Variants in ZNF638 observed in about 807,000 individuals in gnomAD.
ZNF638 encodes zinc finger protein 638.
In ZNF638, 46 loss-of-function variants were observed where a neutral mutation model predicts 195.6. That is an observed-to-expected ratio of 0.24 (90% CI 0.19 to 0.30). The LOEUF is 0.30. ZNF638 is among the 10% of genes least tolerant of loss of function. The pLI, the probability that ZNF638 is intolerant of heterozygous loss-of-function variation, is 1.00. For missense variants in ZNF638, 2,440 were observed against 2,325.3 expected (o/e 1.05, Z -1.01); for synonymous variants, 845 against 772.0 (o/e 1.09, Z -1.57).
intron 21 of ZNF638, among the ~76,000 whole-genome samples, chr2:71,419,914 C>T (rs1358713880): frequency 1.4e-5 from 2 of 146,400 alleles, no homozygotes; most frequent in Non-Finnish European, 3.0e-5. Flanking sequence ...TGTATTCAAC[C>T]TCATAAAACT....
chr2:71,332,710 C>T (rs188373974), intron 1 of ZNF638: 1 of 152,170 alleles, frequency 6.6e-6, no homozygotes, highest in African/African-American at 2.4e-5. Flanking sequence ...TGAAATAGAT[C>T]TTTTGTTGTT....
At chr2:71,405,180 A>T (rs754353381) in intron 17 of ZNF638, among the ~76,000 whole-genome samples, 2 of 152,168 alleles carry the variant, frequency 1.3e-5, no homozygotes, top group African/African-American at 2.4e-5. Context: ...GCCTCTTCAT[A>T]ATTCAGTAGC....
At chr2:71,417,660 GT>G (rs542759028) in intron 20 of ZNF638, among the ~76,000 whole-genome samples, 134 of 144,492 alleles carry the variant, frequency 9.3e-4, no homozygotes, top group East Asian at 1.4e-3. Flanking sequence ...ACCATGCAGG[GT>G]TTTTTTTTTT....
At chr2:71,371,115 C>G (rs1373574113) in intron 8 of ZNF638, among the ~76,000 whole-genome samples, 1 of 152,098 alleles carries the variant, frequency 6.6e-6, no homozygotes, top group East Asian at 1.9e-4. Context: ...CTGTGCCTGG[C>G]TTATTTCACT....
intron 25 of ZNF638, among the ~76,000 whole-genome samples, chr2:71,429,533 A>G (rs1300299823): frequency 6.6e-6 from 1 of 152,216 alleles, no homozygotes; most frequent in African/African-American, 2.4e-5. Context: ...TTATACACAT[A>G]AAATATAAAA....
chr2:71,345,822 T>C (rs2078842023), intron 1 of ZNF638, among the ~76,000 whole-genome samples: 2 of 152,178 alleles, frequency 1.3e-5, no homozygotes, highest in South Asian at 4.1e-4. Context: ...TCATAGACTT[T>C]AATATGCTAA....
intron 14 of ZNF638, 128 bp downstream of exon 14, chr2:71,400,308 A>G (rs1334782803): frequency 2.9e-6 from 3 of 1,040,126 alleles, no homozygotes; most frequent in East Asian, 5.3e-5. Context: ...TCAGAATGAA[A>G]TTTAAATGTA....
Position 71,349,842 on chromosome 2 carries a change from A to C in ZNF638, c.888A>C (p.Leu296Phe), listed in dbSNP as rs1456604802. The C allele has an allele frequency of 5.0e-6, 8 of 1,614,218 alleles. No homozygotes were observed. The highest frequency in any genetic ancestry group is 5.9e-6 in the Non-Finnish European group (7 of 1,180,036). ...AGAGTGGAACCAAGATGTCAGGCTT[A>C]CACATTTCAGGAGGACAGTCAGTCC... is the stretch of plus-strand genomic sequence containing the variant. ...SVESGTKMSGLHISGGQSVLE... is the reference protein window; with the variant it reads ...SVESGTKMSGFHISGGQSVLE... Residue 296 changes from leucine to phenylalanine, a missense_variant, in exon 2 of 28, where the codon TTA (leucine) becomes TTC (phenylalanine). Physicochemically the swap from Leu to Phe is conservative, Grantham distance 22 (BLOSUM62 0). Around this residue, in one of 5 missense-constraint regions of ZNF638, gnomAD observed 305 missense variants for 283.6 expected, o/e 1.08. Coordinates refer to ENST00000264447, the MANE Select transcript of ZNF638 (RefSeq NM_014497.5).
At position 71,364,105 on chromosome 2, in the gene ZNF638, A is replaced by C; in HGVS notation, c.1570A>C (p.Arg524=). 2 of 1,614,184 alleles carry C rather than the reference A, an allele frequency of 1.2e-6. No individual in the cohort carries two copies. The highest frequency in any genetic ancestry group is 1.6e-4 in the Middle Eastern group (1 of 6,062). ...YMYRPRSRSP[R]ICHRFISRYR... ...GTATAGGCCGAGAAGTCGAAGTCCAAGAATTTGCCATCGTTTCATTTCTAG... is the reference window on the plus strand; with the variant it reads ...GTATAGGCCGAGAAGTCGAAGTCCACGAATTTGCCATCGTTTCATTTCTAG... The change falls in exon 5 of 28, where the codon AGA becomes CGA. Residue 524 remains arginine, a synonymous_variant. Coordinates refer to ENST00000264447, the MANE Select transcript of ZNF638 (RefSeq NM_014497.5).
At chr2:71,357,561 T>C (rs1223107998) in intron 3 of ZNF638, among the ~76,000 whole-genome samples, 1 of 152,188 alleles carries the variant, frequency 6.6e-6, no homozygotes, top group Non-Finnish European at 1.5e-5. Flanking sequence ...GGGGGTGAGT[T>C]ACTTATTTTA....
intron 15 of ZNF638, 46 bp from the exon 16 acceptor site, chr2:71,401,910 G>A (rs1345552868): frequency 6.6e-7 from 1 of 1,504,490 alleles, no homozygotes; most frequent in East Asian, 2.3e-5. Context: ...AAGTAAATAT[G>A]AAACAAAGAA....
At chr2:71,393,952 A>G (rs1231588348) in intron 10 of ZNF638, among the ~76,000 whole-genome samples, 1 of 152,182 alleles carries the variant, frequency 6.6e-6, no homozygotes, top group Non-Finnish European at 1.5e-5. Context: ...TATGGCTACA[A>G]ATGGCAAAGG....
intron 19 of ZNF638, among the ~76,000 whole-genome samples, chr2:71,406,486 C>T (rs754298616): frequency 4.6e-5 from 7 of 151,990 alleles, no homozygotes; most frequent in Admixed American, 1.3e-4. Flanking sequence ...ATAAGACTTA[C>T]GCAAGGGGGA....
chr2:71,348,054 T>C lies in ZNF638; in HGVS notation c.-202-699T>C, dbSNP rs578043367. On this transcript the variant is annotated intron_variant, in intron 1 of 27. Transcript: ENST00000264447. ...TATAGTTAATCATTATTGTCATCCA[T>C]ATATATTCGTCCATACTGCGTCTAT... is the stretch of plus-strand genomic sequence containing the variant. 2.0e-5 allele frequency among the ~76,000 whole-genome samples: 3 copies of C among 152,338 alleles called. No homozygotes were observed. In the South Asian group the frequency reaches 6.2e-4, roughly 32 times the overall value.
chr2:71,387,313 G>A (rs6717013), intron 10 of ZNF638, among the ~76,000 whole-genome samples: 64,466 of 152,042 alleles, frequency 0.42, 14,942 homozygotes, highest in African/African-American at 0.61. Context: ...ATAATATTTC[G>A]TTTTAGTTGG....
In ZNF638 at chr2:71,417,040, G is replaced by T. The variant is rs1443546303; in HGVS notation, c.3262-1562G>T. ...CTTCCCGGCTGCTTTGTTTACCTAAGCAAGCCTGGGCAATGGCGGGCGCCC... is the reference window on the plus strand; with the variant it reads ...CTTCCCGGCTGCTTTGTTTACCTAATCAAGCCTGGGCAATGGCGGGCGCCC... On this transcript the variant is annotated intron_variant, in intron 20 of 27. Transcript: ENST00000264447. Among the ~76,000 whole-genome samples, 8 of 131,468 alleles carry T rather than the reference G, an allele frequency of 6.1e-5. 1 individual carries two copies. In the East Asian group the frequency reaches 1.6e-3, roughly 27 times the overall value. The allele number at this position is 131,468 out of a possible 152,430, so 86.2% of individuals were successfully genotyped here. A position where few individuals can be genotyped will look rare whatever the true frequency, so the allele number is the denominator to read the frequency against.
Position 71,401,963 on chromosome 2 carries a change from A to C in ZNF638, c.2705A>C (p.Glu902Ala), listed in dbSNP as rs1436615992. The change falls in exon 16 of 28, where the codon GAA becomes GCA. Residue 902 changes from glutamate to alanine, a missense_variant. By Grantham distance (107) the Glu-to-Ala change is moderately radical. Coordinates refer to ENST00000264447, the MANE Select transcript of ZNF638 (RefSeq NM_014497.5). ...TAAAAATTTGTTTTGAAGGAAACAG[A>C]AGAAATGTGTGTGATGCTTGTCTCT... ...TENEPLNKETEEMCVMLVSNL... is the reference protein window; with the variant it reads ...TENEPLNKETAEMCVMLVSNL... 1 of 1,571,592 alleles carries C rather than the reference A, an allele frequency of 6.4e-7. No homozygotes were observed. Among genetic ancestry groups the C allele is most frequent in the Non-Finnish European group, 8.6e-7 (1 of 1,160,588 alleles).
chr2:71,400,529 A>C lies in ZNF638; in HGVS notation c.2697+11A>C. On this transcript the variant is annotated intron_variant, in intron 15 of 27. Transcript: ENST00000264447. ...GAACCACTTAACAAGGTCAGTTTTC[A>C]TGTTTTATTTATTTCTTTAAAGCTC... 6.3e-7 allele frequency: 1 copy of C among 1,594,718 alleles called. No homozygotes were observed. Among genetic ancestry groups the C allele is most frequent in the Non-Finnish European group, 8.5e-7 (1 of 1,172,118 alleles).
At chr2:71,366,810 T>C (rs897792547) in intron 6 of ZNF638, among the ~76,000 whole-genome samples, 1 of 152,226 alleles carries the variant, frequency 6.6e-6, no homozygotes, top group Non-Finnish European at 1.5e-5. Context: ...GATTTATTAG[T>C]GTTATTTTGA....
Sources: allele counts gnomAD v4.1 joint callset (sites outside exome capture counted in the v4.1 genomes callset), GRCh38; gene constraint gnomAD v4.1.1; regional missense constraint gnomAD v4.1.1; transcripts MANE v1.5; gene names NCBI Gene and HGNC (gene_info 2026-07-23, HGNC 2026-07-21).